IQCJ: variants seen among roughly 807,000 people sequenced by gnomAD.
The protein encoded by IQCJ is IQ motif containing J.
Under a neutral mutation model 11.0 loss-of-function variants are expected in IQCJ, and 9 were observed. The ratio of observed to expected loss-of-function variants is 0.82; its 90% confidence interval spans 0.49 to 1.43. The LOEUF is 1.43. IQCJ is among the 40% of genes most tolerant of loss of function. The pLI, the probability that IQCJ is intolerant of heterozygous loss-of-function variation, is 0.00. For synonymous variants in IQCJ, 55 were observed against 51.3 expected (o/e 1.07, Z -0.31); for missense variants, 146 against 133.2 (o/e 1.10, Z -0.47).
intron 1 of IQCJ, among the ~76,000 whole-genome samples, chr3:159,207,618 G>T (rs2108082481): frequency 6.6e-6 from 1 of 152,280 alleles, no homozygotes; most frequent in Non-Finnish European, 1.5e-5. Flanking sequence ...GCCTAATGGA[G>T]TCATATTCTC....
At chr3:159,236,656 G>A (rs13063797) in intron 1 of IQCJ, among the ~76,000 whole-genome samples, 19,500 of 152,166 alleles carry the variant, frequency 0.13, 1,366 homozygotes, top group African/African-American at 0.15. Flanking sequence ...AGGTCCGAGG[G>A]CAAAGCATCA....
At chr3:159,170,815 G>T (rs1020799474) in intron 1 of IQCJ, among the ~76,000 whole-genome samples, 5 of 152,120 alleles carry the variant, frequency 3.3e-5, no homozygotes, top group African/African-American at 1.2e-4. Context: ...CTCAGCTGTG[G>T]ATTCCTTTCT....
At chr3:159,118,574 G>C (rs1719167050) in intron 1 of IQCJ, among the ~76,000 whole-genome samples, 1 of 152,218 alleles carries the variant, frequency 6.6e-6, no homozygotes, top group Non-Finnish European at 1.5e-5. Flanking sequence ...GAAGTGACTA[G>C]CTCAAGGTTA....
At position 159,156,404 on chromosome 3, in the gene IQCJ, G is replaced by T. The variant is rs143241185; in HGVS notation, c.9+86963G>T. On this transcript the variant is annotated intron_variant, in intron 1 of 3. Transcript: ENST00000397832. ...TGTATGACTCCTGAGGAGTAGAGGG[G>T]AGGCACATGGGCCTTCTGGGTGCAG... Among the ~76,000 whole-genome samples, 697 of 152,308 alleles carry T rather than the reference G, an allele frequency of 4.6e-3. 5 individuals carry two copies. The highest frequency in any genetic ancestry group is 0.013 in the African/African-American group (538 of 41,570).
chr3:159,140,975 C>G (rs1003063459), intron 1 of IQCJ, among the ~76,000 whole-genome samples: 19 of 152,280 alleles, frequency 1.2e-4, no homozygotes, highest in South Asian at 4.1e-4. Flanking sequence ...TACTTCACCT[C>G]TCAAGACTGC....
chr3:159,172,397 A>G (rs574273983), intron 1 of IQCJ, among the ~76,000 whole-genome samples: 1 of 151,966 alleles, frequency 6.6e-6, no homozygotes, highest in Non-Finnish European at 1.5e-5. Context: ...CTAAAGCAAT[A>G]AAAGTCATGC....
At chr3:159,104,726 G>A (rs1718144595) in intron 1 of IQCJ, among the ~76,000 whole-genome samples, 4 of 152,254 alleles carry the variant, frequency 2.6e-5, no homozygotes, top group Non-Finnish European at 4.4e-5. Context: ...ACTCCTGTTT[G>A]CCCTTGTGAG....
intron 1 of IQCJ, among the ~76,000 whole-genome samples, chr3:159,130,852 GTT>G (rs1452312557): frequency 6.6e-6 from 1 of 152,014 alleles, no homozygotes; most frequent in African/African-American, 2.4e-5. Context: ...TAGAAATATA[GTT>G]TTTTTGTTTG....
intron 3 of IQCJ, among the ~76,000 whole-genome samples, chr3:159,255,268 C>G (rs577534122): frequency 1.3e-5 from 2 of 152,220 alleles, no homozygotes; most frequent in South Asian, 2.1e-4. Flanking sequence ...CTCTCCTTTC[C>G]CCTCCATGAT....
chr3:159,108,970 G>A (rs936419431), intron 1 of IQCJ, among the ~76,000 whole-genome samples: 7 of 152,280 alleles, frequency 4.6e-5, no homozygotes, highest in Admixed American at 1.3e-4. Flanking sequence ...TGCCTCCTGG[G>A]TCCCAGGACT....
intron 1 of IQCJ, among the ~76,000 whole-genome samples, chr3:159,150,109 G>A (rs778642029): frequency 7.9e-5 from 12 of 152,146 alleles, no homozygotes; most frequent in African/African-American, 2.9e-4. Flanking sequence ...TCCCAAGATG[G>A]TTGTTGATTG....
intron 1 of IQCJ, among the ~76,000 whole-genome samples, chr3:159,161,018 A>T (rs1040038622): frequency 5.9e-5 from 9 of 152,284 alleles, no homozygotes; most frequent in African/African-American, 2.2e-4. Context: ...TTATAGCAGC[A>T]TGATTTATAG....
At chr3:159,154,669 A>T (rs1721416910) in intron 1 of IQCJ, among the ~76,000 whole-genome samples, 1 of 152,144 alleles carries the variant, frequency 6.6e-6, no homozygotes, top group African/African-American at 2.4e-5. Flanking sequence ...AACTCAAAGA[A>T]GTCCTTTCAA....
At chr3:159,132,035 C>T (rs2108162746) in intron 1 of IQCJ, among the ~76,000 whole-genome samples, 1 of 152,258 alleles carries the variant, frequency 6.6e-6, no homozygotes, top group Non-Finnish European at 1.5e-5. Context: ...GTCAGCCCTT[C>T]CAGCTGACCC....
chr3:159,069,723 C>T (rs1448634358), intron 1 of IQCJ: 1 of 564,528 alleles, frequency 1.8e-6, no homozygotes, highest in African/African-American at 1.9e-5. Flanking sequence ...TATGAACATC[C>T]AGATTTTCTA....
At chr3:159,262,470 G>A in intron 3 of IQCJ, 78 bp from the exon 4 acceptor site, 1 of 1,546,400 alleles carries the variant, frequency 6.5e-7, no homozygotes, top group South Asian at 1.2e-5. Flanking sequence ...CAGACTCCTT[G>A]TGAGTTTCTG....
intron 1 of IQCJ, among the ~76,000 whole-genome samples, chr3:159,070,626 A>G (rs1715503487): frequency 1.3e-5 from 2 of 152,126 alleles, no homozygotes; most frequent in African/African-American, 4.8e-5. Context: ...ACTTTGCATT[A>G]TGCTCTTTTT....
rs114071023 is a variant in IQCJ at position 159,077,234 on chromosome 3, A to G, written c.9+7793A>G. ...ATTGTTGGCAAAGGCGGGGCTCTCA[A>G]TAGTAAGTGTGGGGGAAAAGCAAAT... On this transcript the variant is annotated intron_variant, in intron 1 of 3. Transcript: ENST00000397832. 6.0e-3 allele frequency among the ~76,000 whole-genome samples: 908 copies of G among 152,242 alleles called. 6 individuals are homozygous for G. The highest frequency in any genetic ancestry group is 8.6e-3 in the Non-Finnish European group (583 of 68,008).
chr3:159,117,930 A>G (rs1719123571), intron 1 of IQCJ, among the ~76,000 whole-genome samples: 1 of 152,172 alleles, frequency 6.6e-6, no homozygotes, highest in South Asian at 2.1e-4. Flanking sequence ...CTTAATTTTC[A>G]TAATTACTCC....
Sources: allele counts gnomAD v4.1 joint callset (sites outside exome capture counted in the v4.1 genomes callset), GRCh38; gene constraint gnomAD v4.1.1; transcripts MANE v1.5; gene names NCBI Gene and HGNC (gene_info 2026-07-23, HGNC 2026-07-21).